The following PEX2 variants were observed in gnomAD, a reference collection of about 807,000 sequenced individuals.
The protein encoded by PEX2 is peroxisomal biogenesis factor 2, also known as peroxisome biogenesis factor 2.
In PEX2, 19 loss-of-function variants were observed where a neutral mutation model predicts 25.2. That is an observed-to-expected ratio of 0.75 (90% CI 0.53 to 1.10). The LOEUF (loss-of-function observed/expected upper bound fraction) is 1.10, where lower values mean the gene tolerates loss of function less well. PEX2 is among the 50% of genes least tolerant of loss of function. The pLI, the probability that PEX2 is intolerant of heterozygous loss-of-function variation, is 0.00. For synonymous variants in PEX2, 141 were observed against 127.7 expected, an observed-to-expected ratio of 1.10 and a Z score of -0.70; for missense variants, 347 against 350.6, an observed-to-expected ratio of 0.99 and a Z score of 0.08.
rs1806854923 is a variant in PEX2 at position 76,982,327 on chromosome 8, C to T, written c.*934G>A. 6.6e-6 allele frequency: 1 copy of T among 152,144 alleles called. No individual in the cohort carries two copies. The highest frequency in any genetic ancestry group is 2.4e-5 in the African/African-American group (1 of 41,426). The allele number at this position is 152,144 out of a possible 1,614,324, so 9.4% of individuals were successfully genotyped here. On this transcript the variant is annotated 3_prime_UTR_variant, in exon 4 of 4. Coordinates refer to ENST00000357039, the MANE Select transcript of PEX2 (RefSeq NM_000318.3). ...TCAATATTTACTGAGAATGACAGCT[C>T]TGAATCAAAGGCAAGAGAAAGAGAC...
At chr8:76,993,269 C>T (rs929235224) in intron 1 of PEX2, among the ~76,000 whole-genome samples, 2 of 152,114 alleles carry the variant, frequency 1.3e-5, no homozygotes, top group East Asian at 1.9e-4. Flanking sequence ...ATTAATCTGA[C>T]GGCAGAGTTC....
upstream of PEX2, among the ~76,000 whole-genome samples, chr8:77,000,587 G>C (rs563607216): frequency 1.3e-5 from 2 of 152,350 alleles, no homozygotes; most frequent in South Asian, 4.1e-4. Context: ...GCCTGGGGCA[G>C]TTGTGCTGCG....
chr8:76,983,153 T>C lies in PEX2; in HGVS notation c.*108A>G. 2 of 1,587,382 alleles carry C rather than the reference T, an allele frequency of 1.3e-6. No homozygotes were observed. The highest frequency in any genetic ancestry group is 1.7e-5 in the Admixed American group (1 of 59,334). On this transcript the variant is annotated 3_prime_UTR_variant, in exon 4 of 4. Transcript: ENST00000357039. ...TGCCTGGAAAGGAGAAGACAGTGGC[T>C]AGGAGCACATTCCTTATAAAGGATA...
intron 2 of PEX2, chr8:76,987,916 A>T (rs1395854450): frequency 6.6e-6 from 1 of 152,248 alleles, no homozygotes; most frequent in African/African-American, 2.4e-5. Context: ...TGAGACATCT[A>T]AGTGGAAAAG....
At chr8:76,991,511 TTCTC>T (rs758616109) in intron 1 of PEX2, among the ~76,000 whole-genome samples, 10 of 152,188 alleles carry the variant, frequency 6.6e-5, no homozygotes, top group Admixed American at 1.3e-4. Context: ...GATGAATAAT[TTCTC>T]TCTATTTTTT....
chr8:76,989,420 T>A (rs1807098706), intron 1 of PEX2, among the ~76,000 whole-genome samples: 1 of 152,212 alleles, frequency 6.6e-6, no homozygotes, highest in Admixed American at 6.5e-5. Context: ...ACGAATCATG[T>A]TCTTAATGGT....
At chr8:76,990,942 T>G (rs1323051221) in intron 1 of PEX2, among the ~76,000 whole-genome samples, 4 of 152,180 alleles carry the variant, frequency 2.6e-5, no homozygotes, top group African/African-American at 9.6e-5. Context: ...ACCTTTAATT[T>G]GTAAAAGCAG....
At chr8:76,991,511 T>G (rs995776032) in intron 1 of PEX2, among the ~76,000 whole-genome samples, 26 of 152,188 alleles carry the variant, frequency 1.7e-4, no homozygotes, top group Admixed American at 1.7e-3. Flanking sequence ...GATGAATAAT[T>G]TCTCTCTATT....
chr8:76,999,558 A>C (rs1807433178), intron 1 of PEX2, among the ~76,000 whole-genome samples: 1 of 152,256 alleles, frequency 6.6e-6, no homozygotes, highest in South Asian at 2.1e-4. Flanking sequence ...TAGAAAACTA[A>C]GCACTCAAAT....
chr8:76,984,579 C>T (rs1261874435), intron 3 of PEX2, among the ~76,000 whole-genome samples: 2 of 152,144 alleles, frequency 1.3e-5, no homozygotes, highest in Admixed American at 1.3e-4. Flanking sequence ...GGCTGAATAA[C>T]ATGACTAATG....
At chr8:76,999,339 TG>T (rs1452005468) in intron 1 of PEX2, among the ~76,000 whole-genome samples, 2 of 152,178 alleles carry the variant, frequency 1.3e-5, no homozygotes, top group African/African-American at 4.8e-5. Flanking sequence ...GTGGGAAATT[TG>T]GAAAATGGTA....
chr8:76,987,313 G>A (rs1007776344), intron 2 of PEX2, among the ~76,000 whole-genome samples: 1 of 152,162 alleles, frequency 6.6e-6, no homozygotes, highest in Non-Finnish European at 1.5e-5. Flanking sequence ...AAGGCTTCCT[G>A]GGAGAGGCAA....
chr8:76,983,806 G>C lies in PEX2; in HGVS notation c.373C>G (p.Arg125Gly), dbSNP rs61752124. The C allele has an allele frequency of 1.2e-6, 2 of 1,614,022 alleles. No individual in the cohort carries two copies. The highest frequency in any genetic ancestry group is 1.7e-6 in the Non-Finnish European group (2 of 1,179,986). Residue 125 changes from arginine to glycine, a missense_variant, in exon 4 of 4, where the codon CGA becomes GGA. By Grantham distance (125) the Arg-to-Gly change is moderately radical. Transcript: ENST00000357039. ...WLEERCYDLF[R>G]NHHLASFGKV... is the part of the protein sequence containing the mutation. ...CCAAATGATGCTAAATGATGGTTTC[G>C]AAACAAATCATAGCATCGTTCTTCT...
Position 76,983,886 on chromosome 8 carries a change from G to A in PEX2, c.293C>T (p.Pro98Leu). ...DFSPNLRYQP[P>L]SKNQKIWYAV... ...ATACCAGATTTTTTGATTTTTACTG[G>A]GTGGCTGATATCTCAGGTTAGGGGA... is the stretch of plus-strand genomic sequence containing the variant. Residue 98 changes from proline (P) to leucine (L), a missense_variant, in exon 4 of 4, where the codon CCC becomes CTC. Coordinates refer to ENST00000357039, the MANE Select transcript of PEX2 (RefSeq NM_000318.3). 1 of 1,614,014 alleles carries A rather than the reference G, an allele frequency of 6.2e-7. No homozygotes were observed. The highest frequency in any genetic ancestry group is 8.5e-7 in the Non-Finnish European group (1 of 1,180,014).
rs535961581 is a variant in PEX2 at position 76,981,597 on chromosome 8, A to G, written c.*1664T>C. The G allele has an allele frequency of 2.0e-5, 3 of 152,346 alleles. No individual in the cohort carries two copies. The East Asian group carries it at 5.8e-4, about 29-fold the overall frequency. The allele number at this position is 152,346 out of a possible 1,614,324, so 9.4% of individuals were successfully genotyped here. On this transcript the variant is annotated 3_prime_UTR_variant, in exon 4 of 4. Transcript: ENST00000357039. ...ATTACAGGCATGAGCCATTGTGCTC[A>G]GCCCTAAAATAGTTTTGAAGAATAT... is the stretch of plus-strand genomic sequence containing the variant.
At chr8:76,994,962 C>A (rs1454578193) in intron 1 of PEX2, among the ~76,000 whole-genome samples, 1 of 152,102 alleles carries the variant, frequency 6.6e-6, no homozygotes, top group Non-Finnish European at 1.5e-5. Flanking sequence ...GTATTGAAAT[C>A]AATACTAATA....
At chr8:76,990,505 G>T (rs1807137408) in intron 1 of PEX2, among the ~76,000 whole-genome samples, 2 of 152,128 alleles carry the variant, frequency 1.3e-5, no homozygotes, top group Admixed American at 1.3e-4. Context: ...ATCATTGCTA[G>T]ATTTTGATTT....
Position 76,983,006 on chromosome 8 carries a change from A to G in PEX2, c.*255T>C. 1.0e-6 allele frequency: 1 copy of G among 1,002,110 alleles called. No homozygotes were observed. The highest frequency in any genetic ancestry group is 3.4e-5 in the Admixed American group (1 of 29,282). 62.1% of individuals were successfully genotyped at this position (1,002,110 alleles called of 1,614,324 possible). On this transcript the variant is annotated 3_prime_UTR_variant, in exon 4 of 4. Coordinates refer to ENST00000357039, the MANE Select transcript of PEX2 (RefSeq NM_000318.3). ...AAGGAGCATTGTTAGTAGTCACCTG[A>G]CAAAAGCTGTCCATTATTCTTGACA...
At chr8:76,986,683 C>G (rs1332619636) in intron 2 of PEX2, among the ~76,000 whole-genome samples, 1 of 152,194 alleles carries the variant, frequency 6.6e-6, no homozygotes, top group Non-Finnish European at 1.5e-5. Flanking sequence ...AATCTTTTAA[C>G]TGAAAACTCA....
Sources: allele counts gnomAD v4.1 joint callset (sites outside exome capture counted in the v4.1 genomes callset), GRCh38; gene constraint gnomAD v4.1.1; transcripts MANE v1.5; gene names NCBI Gene and HGNC (gene_info 2026-07-23, HGNC 2026-07-21).